Variants in PDE1C observed in about 807,000 individuals in gnomAD.
PDE1C encodes dual specificity calcium/calmodulin-dependent 3',5'-cyclic nucleotide phosphodiesterase 1C.
In PDE1C, 62 loss-of-function variants were observed where a neutral mutation model predicts 93.1. The ratio of observed to expected loss-of-function variants is 0.67; its 90% CI spans 0.54 to 0.82. PDE1C has a LOEUF of 0.82. PDE1C is among the 40% of genes least tolerant of loss of function. The pLI, the probability that PDE1C is intolerant of heterozygous loss-of-function variation, is 0.00. For missense variants in PDE1C, 742 were observed against 884.6 expected, an observed-to-expected ratio of 0.84 and a Z score of 2.04; for synonymous variants, 325 against 310.1, an observed-to-expected ratio of 1.05 and a Z score of -0.50.
the PDE1C span, among the ~76,000 whole-genome samples, chr7:31,734,019 GT>G: frequency 3.1e-4 from 47 of 151,028 alleles, no homozygotes; most frequent in African/African-American, 1.1e-3. Flanking sequence ...AAAAAAAAAT[GT>G]TTTTTTCATG....
At chr7:32,085,616 C>A (rs1226946898) in intron 3 of PDE1C, among the ~76,000 whole-genome samples, 1 of 145,926 alleles carries the variant, frequency 6.9e-6, no homozygotes, top group African/African-American at 2.6e-5. Flanking sequence ...AAAATACTGG[C>A]AAACCGAATC....
intron 1 of PDE1C, among the ~76,000 whole-genome samples, chr7:32,240,298 G>A (rs926908914): frequency 6.6e-6 from 1 of 152,182 alleles, no homozygotes; most frequent in Admixed American, 6.6e-5. Context: ...AGACATACAT[G>A]CCTCCATTCT....
At chr7:31,915,518 T>C (rs1181717582) in intron 2 of PDE1C, among the ~76,000 whole-genome samples, 1 of 152,236 alleles carries the variant, frequency 6.6e-6, no homozygotes. Flanking sequence ...TTAAGCATTT[T>C]TCTGTATTAA....
chr7:31,875,799 A>ATATCTATATATATATC (rs1482610214), intron 5 of PDE1C, among the ~76,000 whole-genome samples: 1 of 51,960 alleles, frequency 1.9e-5, no homozygotes, highest in African/African-American at 8.0e-5. Context: ...ACATCTATAT[A>ATATCTATATATATATC]TATATATATA....
chr7:32,033,435 T>G (rs754969767), intron 2 of PDE1C, among the ~76,000 whole-genome samples: 2 of 152,114 alleles, frequency 1.3e-5, no homozygotes, highest in African/African-American at 4.8e-5. Context: ...CCTTTGTTAT[T>G]AAGGGGATAA....
chr7:31,778,535 ATGACGATCATAAACATCCTCCAGATGG>A (rs1311244578), intron 16 of PDE1C, among the ~76,000 whole-genome samples: 1 of 152,160 alleles, frequency 6.6e-6, no homozygotes, highest in African/African-American at 2.4e-5. Context: ...CTCCCTAGTC[ATGACGATCATAAACATCCTCCAGATGG>A]TGACAAATAT....
At chr7:32,132,419 T>G (rs1446109382) in intron 3 of PDE1C, among the ~76,000 whole-genome samples, 1 of 152,110 alleles carries the variant, frequency 6.6e-6, no homozygotes, top group East Asian at 1.9e-4. Context: ...ATCCCAACAC[T>G]TTGGGAGGCC....
chr7:32,036,066 C>T (rs1405060787), intron 2 of PDE1C, among the ~76,000 whole-genome samples: 2 of 152,136 alleles, frequency 1.3e-5, no homozygotes, highest in Non-Finnish European at 2.9e-5. Context: ...GTCAGGCCAG[C>T]CTCACAGGTA....
chr7:31,943,943 CA>C (rs1297455818), intron 2 of PDE1C, among the ~76,000 whole-genome samples: 1 of 152,084 alleles, frequency 6.6e-6, no homozygotes, highest in African/African-American at 2.4e-5. Context: ...CCAAGTAAGA[CA>C]AAATTCATAT....
At position 32,225,022 on chromosome 7, in the gene PDE1C, T is replaced by TAAAAAAA. The variant is rs58376421; in HGVS notation, c.86-15490_86-15484dup. Among the ~76,000 whole-genome samples the TAAAAAAA allele has an allele frequency of 1.5e-3, 150 of 100,836 alleles. 1 individual carries two copies. Among genetic ancestry groups the TAAAAAAA allele is most frequent in the East Asian group, 3.0e-3 (10 of 3,302 alleles). The allele number at this position is 100,836 out of a possible 152,430, so 66.2% of individuals were successfully genotyped here. A position where few individuals can be genotyped will look rare whatever the true frequency, so the allele number is the denominator to read the frequency against. ...ACCTTCAGGAATCACCTTTCTTATT[T>TAAAAAAA]AAAAAAAAAAAAAAGACTATTAAAA... On this transcript the variant is annotated intron_variant, in intron 1 of 18. Coordinates refer to the PDE1C transcript ENST00000396193.
At chr7:32,074,093 TCACA>T (rs1460701788), upstream of PDE1C, among the ~76,000 whole-genome samples, 2 of 152,150 alleles carry the variant, frequency 1.3e-5, no homozygotes, top group African/African-American at 4.8e-5. Flanking sequence ...TCCTGCAAAT[TCACA>T]CAGAGTAACT....
intron 1 of PDE1C, among the ~76,000 whole-genome samples, chr7:32,372,376 G>A (rs2128087877): frequency 6.6e-6 from 1 of 152,210 alleles, no homozygotes; most frequent in East Asian, 1.9e-4. Flanking sequence ...AGGGTACCAA[G>A]ACAATTCAAT....
intron 1 of PDE1C, among the ~76,000 whole-genome samples, chr7:32,265,064 G>A (rs10252755): frequency 0.12 from 17,821 of 152,174 alleles, 1,199 homozygotes; most frequent in African/African-American, 0.16. Context: ...GTAGTAATGG[G>A]TTCAAGCAGT....
chr7:31,963,531 C>T (rs77417275), intron 2 of PDE1C, among the ~76,000 whole-genome samples: 13,891 of 152,180 alleles, frequency 0.091, 772 homozygotes, highest in Middle Eastern at 0.18. Flanking sequence ...ATTTGTGATG[C>T]AATTATGACT....
At chr7:32,187,485 T>C (rs539388481) in intron 2 of PDE1C, among the ~76,000 whole-genome samples, 1 of 152,324 alleles carries the variant, frequency 6.6e-6, no homozygotes, top group Admixed American at 6.5e-5. Context: ...TTTTGCTAAA[T>C]TGTTATTTTA....
At chr7:31,882,671 G>A (rs1197271784) in intron 2 of PDE1C, among the ~76,000 whole-genome samples, 1 of 152,180 alleles carries the variant, frequency 6.6e-6, no homozygotes, top group African/African-American at 2.4e-5. Flanking sequence ...TCTTAAAAAT[G>A]CCTCTCTCCA....
intron 1 of PDE1C, among the ~76,000 whole-genome samples, chr7:32,291,609 A>G (rs1486659186): frequency 6.6e-6 from 1 of 152,226 alleles, no homozygotes; most frequent in Non-Finnish European, 1.5e-5. Flanking sequence ...AAACTGTACA[A>G]TGCTGTATAC....
intron 1 of PDE1C, among the ~76,000 whole-genome samples, chr7:32,344,743 T>C (rs903451944): frequency 6.6e-6 from 1 of 152,140 alleles, no homozygotes; most frequent in Non-Finnish European, 1.5e-5. Flanking sequence ...TTTCCTCCCT[T>C]TTTATGTATT....
intron 2 of PDE1C, among the ~76,000 whole-genome samples, chr7:31,925,348 A>G (rs919001887): frequency 3.9e-5 from 6 of 152,190 alleles, no homozygotes; most frequent in South Asian, 2.1e-4. Flanking sequence ...TTGTTAAGTC[A>G]ACAAATATTG....
Sources: allele counts gnomAD v4.1 joint callset (sites outside exome capture counted in the v4.1 genomes callset), GRCh38; gene constraint gnomAD v4.1.1; transcripts MANE v1.5; gene names NCBI Gene and HGNC (gene_info 2026-07-23, HGNC 2026-07-21).